Variants in UBR4 observed in about 807,000 individuals in gnomAD.
UBR4 encodes ubiquitin protein ligase E3 component n-recognin 4, also known as E3 ubiquitin-protein ligase UBR4.
UBR4 carries 124 observed loss-of-function variants against 575.6 expected under a neutral mutation model. The ratio of observed to expected loss-of-function variants is 0.22; its 90% CI spans 0.19 to 0.25. The LOEUF (loss-of-function observed/expected upper bound fraction) is 0.25, where lower values mean the gene tolerates loss of function less well. Ranked by LOEUF, UBR4 falls within the 10% of genes least tolerant of loss-of-function variation. The pLI is 1.00. For synonymous variants in UBR4, 2,455 were observed against 2,473.7 expected (o/e 0.99, Z 0.22); for missense variants, 4,818 against 6,478.8 (o/e 0.74, Z 8.80).
intron 86 of UBR4, 134 bp downstream of exon 86, chr1:19,104,451 A>G: frequency 1.7e-6 from 2 of 1,207,222 alleles, no homozygotes; most frequent in East Asian, 5.1e-5. Flanking sequence ...CAATACAGAA[A>G]AAAAATGCAG....
Position 19,157,804 on chromosome 1 carries a change from G to A in UBR4, c.5760+11C>T, listed in dbSNP as rs756094942. The A allele has an allele frequency of 9.9e-6, 16 of 1,611,674 alleles. No individual in the cohort carries two copies. The highest frequency in any genetic ancestry group is 8.4e-5 in the Admixed American group (5 of 59,852). On this transcript the variant is annotated intron_variant, in intron 40 of 105. Coordinates refer to ENST00000375254, the MANE Select transcript of UBR4 (RefSeq NM_020765.3). This position sits in a 1 kb window ranked among gnomAD's most constrained non-coding sequence, Gnocchi z 4.4. ...GACCTAAAGTAAGCGCACAAGAATT[G>A]GAGGACCCACCTTGCCCTTCTCATG...
chr1:19,175,985 G>A (rs186458301), intron 20 of UBR4, among the ~76,000 whole-genome samples: 21 of 152,050 alleles, frequency 1.4e-4, no homozygotes, highest in Admixed American at 5.9e-4. Context: ...TTTGGTAGAC[G>A]GGATCTACTC....
At chr1:19,144,343 AGGCCAT>A (rs2084540300) in intron 54 of UBR4, among the ~76,000 whole-genome samples, 1 of 152,198 alleles carries the variant, frequency 6.6e-6, no homozygotes, top group Non-Finnish European at 1.5e-5. Flanking sequence ...TTTGCTCCTG[AGGCCAT>A]TTTGGCCCCT....
At position 19,167,147 on chromosome 1, in the gene UBR4, C is replaced by A; in HGVS notation, c.3984G>T (p.Glu1328Asp). ...TGCGTTCCAGGGAGTTGCTACTGAT[C>A]TCGGCAACACTCTCAGTGCTTGATT... ...LLESSTESVAEISSNSLERIL... is the reference protein window; with the variant it reads ...LLESSTESVADISSNSLERIL... Residue 1328 changes from glutamate (E) to aspartate (D), a missense_variant, in exon 29 of 106, where the codon GAG becomes GAT. Around this residue, in one of 29 missense-constraint regions of UBR4, gnomAD observed 1,172 missense variants for 1,259.7 expected, o/e 0.93. Transcript: ENST00000375254. 2 of 1,614,184 alleles carry A rather than the reference C, an allele frequency of 1.2e-6. No individual in the cohort carries two copies. The highest frequency in any genetic ancestry group is 1.7e-6 in the Non-Finnish European group (2 of 1,180,030).
intron 22 of UBR4, 56 bp from the exon 23 acceptor site, chr1:19,173,677 C>A (rs532255417): frequency 1.3e-6 from 2 of 1,541,706 alleles, no homozygotes; most frequent in East Asian, 2.3e-5. Flanking sequence ...CAAGATCTCC[C>A]TCACAGTACG....
chr1:19,163,332 C>T (rs555659312), intron 34 of UBR4, among the ~76,000 whole-genome samples: 1 of 152,322 alleles, frequency 6.6e-6, no homozygotes, highest in East Asian at 1.9e-4. Flanking sequence ...CAGTTTCAAA[C>T]CGCTTTTCTT....
chr1:19,187,075 T>TA (rs2091601274), intron 13 of UBR4, 89 bp downstream of exon 13: 3 of 665,810 alleles, frequency 4.5e-6, no homozygotes, highest in African/African-American at 3.4e-5. Flanking sequence ...TCAAGAAAGT[T>TA]TTATATATAT....
chr1:19,134,086 T>TAAAAAAAAAAAAAA (rs71030132), intron 60 of UBR4, among the ~76,000 whole-genome samples: 5 of 52,510 alleles, frequency 9.5e-5, no homozygotes, highest in African/African-American at 4.3e-4. Flanking sequence ...ACTCTGTCTC[T>TAAAAAAAAAAAAAA]AAAAAAAAAA....
intron 103 of UBR4, 149 bp downstream of exon 103, chr1:19,081,200 G>T: frequency 1.4e-6 from 1 of 713,660 alleles, no homozygotes; most frequent in Non-Finnish European, 2.3e-6. Context: ...TTAGACTCTT[G>T]ACATGACAGA....
chr1:19,075,031 A>G, intron 105 of UBR4, 135 bp from the exon 106 acceptor site: 1 of 870,130 alleles, frequency 1.1e-6, no homozygotes, highest in South Asian at 1.5e-5. Flanking sequence ...ACTGGACAGC[A>G]GCATGACCGG....
rs758115542 is a variant in UBR4 at position 19,157,779 on chromosome 1, G to A, written c.5760+36C>T. On this transcript the variant is annotated intron_variant, in intron 40 of 105. Coordinates refer to ENST00000375254, the MANE Select transcript of UBR4 (RefSeq NM_020765.3). This position sits in a 1 kb window ranked among gnomAD's most constrained non-coding sequence, Gnocchi z 4.4. ...TTTTGCTTAGCATTTAAGACAATAT[G>A]ACCTAAAGTAAGCGCACAAGAATTG... 4.4e-6 allele frequency: 7 copies of A among 1,605,170 alleles called. No individual in the cohort carries two copies. Among genetic ancestry groups the A allele is most frequent in the Non-Finnish European group, 6.0e-6 (7 of 1,174,006 alleles).
chr1:19,099,432 A>G (rs2078393133), intron 90 of UBR4, among the ~76,000 whole-genome samples, 165 bp downstream of exon 90: 1 of 152,174 alleles, frequency 6.6e-6, no homozygotes, highest in South Asian at 2.1e-4. Context: ...CCTCCAAAGG[A>G]AAACAAGATT....
intron 77 of UBR4, 117 bp from the exon 78 acceptor site, chr1:19,112,984 T>C: frequency 1.9e-6 from 2 of 1,046,018 alleles, no homozygotes; most frequent in Non-Finnish European, 2.7e-6. Context: ...AACTTAATCT[T>C]CTCAATAACC....
intron 39 of UBR4, 23 bp downstream of exon 39, chr1:19,160,088 C>T: frequency 1.9e-6 from 3 of 1,597,524 alleles, no homozygotes; most frequent in Non-Finnish European, 2.6e-6. Flanking sequence ...AGCCACCAAA[C>T]ATCATGGCCC....
At chr1:19,085,049 A>G (rs1218010968) in intron 101 of UBR4, among the ~76,000 whole-genome samples, 1 of 152,256 alleles carries the variant, frequency 6.6e-6, no homozygotes, top group Non-Finnish European at 1.5e-5. Flanking sequence ...TCTGACTGAC[A>G]AAGTGACCTG....
chr1:19,082,804 G>A (rs1280451793), intron 102 of UBR4, among the ~76,000 whole-genome samples: 1 of 152,204 alleles, frequency 6.6e-6, no homozygotes, highest in Non-Finnish European at 1.5e-5. Context: ...GGAATCTGAG[G>A]CTGTTGGCTG....
Position 19,144,052 on chromosome 1 carries a change from G to T in UBR4, c.8107C>A (p.Arg2703=), listed in dbSNP as rs747468937. The T allele has an allele frequency of 3.7e-6, 6 of 1,613,850 alleles. No homozygotes were observed. Among genetic ancestry groups the T allele is most frequent in the African/African-American group, 2.7e-5 (2 of 74,880 alleles). ...CGTTTGTTCCTGGGCCTTAGGACTCGAATTAGAGCTTGTTTACAAGAGAAG... is the reference window on the plus strand; with the variant it reads ...CGTTTGTTCCTGGGCCTTAGGACTCTAATTAGAGCTTGTTTACAAGAGAAG... ...VSFSCKQALI[R]VLRPRNKRRH... Residue 2703 remains arginine (R), a synonymous_variant, in exon 55 of 106, where the codon CGA becomes AGA. Transcript: ENST00000375254.
In UBR4 at chr1:19,117,249, C is replaced by T. The variant is rs761294941; in HGVS notation, c.10795G>A (p.Val3599Met). ...TTTTTCAACTCCACGATGGCCTGCA[C>T]GGTTCGGTTGTTATAATACAGGTTG... The part of the protein sequence containing the change: ...TINLYYNNRT[V>M]QAIVELKNKP... Residue 3599 changes from valine to methionine, a missense_variant, in exon 73 of 106, where the codon GTG becomes ATG. Coordinates refer to ENST00000375254, the MANE Select transcript of UBR4 (RefSeq NM_020765.3). The surrounding 1 kb of genome is among the most constrained non-coding windows in gnomAD (Gnocchi z 4.0). 4 of 1,613,920 alleles carry T rather than the reference C, an allele frequency of 2.5e-6. No individual in the cohort carries two copies. The highest frequency in any genetic ancestry group is 1.7e-5 in the Admixed American group (1 of 60,008).
chr1:19,151,957 A>C, intron 47 of UBR4, 98 bp from the exon 48 acceptor site: 8 of 1,130,760 alleles, frequency 7.1e-6, no homozygotes, highest in Non-Finnish European at 9.9e-6. Flanking sequence ...TGTGAAGCTC[A>C]TTAAAACTTA....
Sources: gnomAD v4.1 joint callset for allele counts (sites outside exome capture counted in the v4.1 genomes callset) on GRCh38, gnomAD v4.1.1 for gene constraint, gnomAD v4.1.1 regional missense constraint, Gnocchi (gnomAD v3.1) non-coding constraint, MANE v1.5 for transcripts, NCBI Gene and HGNC (gene_info 2026-07-23, HGNC 2026-07-21) for gene names.